The following SASH1 variants were observed in gnomAD, a reference collection of about 807,000 sequenced individuals.
The protein encoded by SASH1 is SAM and SH3 domain containing 1, also known as SAM and SH3 domain-containing protein 1.
Under a neutral mutation model 125.2 loss-of-function variants are expected in SASH1, and 44 were observed. The ratio of observed to expected loss-of-function variants is 0.35; its 90% confidence interval spans 0.28 to 0.45. The LOEUF is 0.45. SASH1 is among the 20% of genes least tolerant of loss of function. The pLI, the probability that SASH1 is intolerant of heterozygous loss-of-function variation, is 1.00. For synonymous variants in SASH1, 639 were observed against 649.1 expected (o/e 0.98, Z 0.24); for missense variants, 1,426 against 1,614.5 (o/e 0.88, Z 2.00).
intron 9 of SASH1, among the ~76,000 whole-genome samples, chr6:148,516,258 A>C (rs1430140369): frequency 3.3e-5 from 5 of 152,048 alleles, no homozygotes; most frequent in Non-Finnish European, 7.4e-5. Context: ...CAGGGTGCTG[A>C]GTTGCCGTTG....
chr6:148,358,544 A>G, intron 1 of SASH1, among the ~76,000 whole-genome samples: 1 of 152,140 alleles, frequency 6.6e-6, no homozygotes, highest in East Asian at 1.9e-4. Context: ...AGAGAAGCAC[A>G]CTGATATTGT....
intron 1 of SASH1, among the ~76,000 whole-genome samples, chr6:148,358,364 GAAGT>G (rs1782038384): frequency 6.6e-6 from 1 of 152,200 alleles, no homozygotes; most frequent in South Asian, 2.1e-4. Context: ...TGGCTCAAGA[GAAGT>G]AAGCACTGAA....
rs1781375183 is a variant in SASH1, at chr6:148,529,318, G to C, written c.1428+1722G>C. ...AAAGAGCTGTCCATCAAAATGATCA[G>C]TGCTCAGGCTGAGAAACCGTGGCTT... On this transcript the variant is annotated intron_variant, in intron 12 of 19. Transcript: ENST00000367467. The surrounding 1 kb of genome is among the most constrained non-coding windows in gnomAD (Gnocchi z 4.2). Among the ~76,000 whole-genome samples the C allele has an allele frequency of 6.6e-6, 1 of 152,238 alleles. No homozygotes were observed. Among genetic ancestry groups the C allele is most frequent in the Non-Finnish European group, 1.5e-5 (1 of 68,044 alleles).
At chr6:148,428,594 A>G (rs1219270017) in intron 2 of SASH1, among the ~76,000 whole-genome samples, 1 of 141,144 alleles carries the variant, frequency 7.1e-6, no homozygotes, top group Non-Finnish European at 1.5e-5. Context: ...GCGCCACTGC[A>G]CTCCAGCCAG....
At chr6:148,274,251 C>T (rs1779132415) in intron 1 of SASH1, among the ~76,000 whole-genome samples, 1 of 152,114 alleles carries the variant, frequency 6.6e-6, no homozygotes, top group African/African-American at 2.4e-5. Context: ...CAACTTGGGG[C>T]AGATGGACTC....
chr6:148,454,211 G>T (rs1356241791), intron 4 of SASH1, among the ~76,000 whole-genome samples: 1 of 152,188 alleles, frequency 6.6e-6, no homozygotes, highest in African/African-American at 2.4e-5. Context: ...GGACTGAGGA[G>T]CTGAGGAGGA....
intron 2 of SASH1, among the ~76,000 whole-genome samples, chr6:148,437,842 T>G (rs1235784657): frequency 6.6e-6 from 1 of 152,250 alleles, no homozygotes; most frequent in African/African-American, 2.4e-5. Flanking sequence ...TTAATATGGT[T>G]GTTAATAAGC....
chr6:148,490,066 T>A (rs199884321), intron 8 of SASH1, among the ~76,000 whole-genome samples: 3 of 50,156 alleles, frequency 6.0e-5, no homozygotes, highest in South Asian at 6.3e-4. Context: ...CTGCAAAAAA[T>A]AATAATAATA....
chr6:148,245,994 A>G, the SASH1 span, among the ~76,000 whole-genome samples: 35 of 151,982 alleles, frequency 2.3e-4, no homozygotes, highest in Non-Finnish European at 4.6e-4. Flanking sequence ...AAAAACAAAA[A>G]AAAAAGAAAA....
chr6:148,303,672 A>G (rs932720884), intron 1 of SASH1, among the ~76,000 whole-genome samples: 2 of 151,576 alleles, frequency 1.3e-5, no homozygotes, highest in Admixed American at 1.3e-4. Context: ...GCGGGCACCC[A>G]TAATCCCAAC....
At chr6:148,302,341 A>AT (rs34513109) in intron 1 of SASH1, among the ~76,000 whole-genome samples, 3,170 of 104,330 alleles carry the variant, frequency 0.03, 956 homozygotes, top group African/African-American at 0.054. Context: ...AAAAAAAAAA[A>AT]CTAGTAATAT....
chr6:148,465,672 G>T (rs1227042621), intron 4 of SASH1, among the ~76,000 whole-genome samples: 1 of 152,030 alleles, frequency 6.6e-6, no homozygotes, highest in Admixed American at 6.6e-5. Context: ...ACCCCAGCCC[G>T]CTGAAGTAAG....
At chr6:148,288,669 C>G (rs910059059) in intron 1 of SASH1, among the ~76,000 whole-genome samples, 1 of 133,060 alleles carries the variant, frequency 7.5e-6, no homozygotes, top group African/African-American at 2.9e-5. Flanking sequence ...CACAGACACA[C>G]ACGGAATACA....
chr6:148,326,391 T>TATATATATATATACA (rs1780827914), intron 1 of SASH1, among the ~76,000 whole-genome samples: 10 of 101,892 alleles, frequency 9.8e-5, no homozygotes, highest in African/African-American at 3.6e-4. Flanking sequence ...TTTCTTTTCT[T>TATATATATATATACA]TTCTTTTCTT....
At position 148,386,386 on chromosome 6, in the gene SASH1, T is replaced by G. The variant is rs1583062023; in HGVS notation, c.157-3748T>G. Among the ~76,000 whole-genome samples the G allele has an allele frequency of 1.1e-4, 17 of 152,312 alleles. No homozygotes were observed. In the South Asian group the frequency reaches 3.5e-3, roughly 32 times the overall value. On this transcript the variant is annotated intron_variant, in intron 1 of 19. Transcript: ENST00000367467. ...GGTCTTGGTTAGTCCAAGACGACGG[T>G]TGGTTGTGATAAGTTGGACAGTTCA... is the stretch of plus-strand genomic sequence containing the variant.
intron 1 of SASH1, among the ~76,000 whole-genome samples, chr6:148,298,766 A>AAGAG (rs1246640090): frequency 1.4e-5 from 2 of 146,480 alleles, no homozygotes; most frequent in Non-Finnish European, 3.0e-5. Flanking sequence ...AAAAGAGAGA[A>AAGAG]AGAAAAAAGA....
chr6:148,239,661 A>G, the SASH1 span, among the ~76,000 whole-genome samples: 8 of 149,414 alleles, frequency 5.4e-5, no homozygotes, highest in Non-Finnish European at 1.2e-4. Context: ...CTGTAAAAGT[A>G]GCACCTTGCT....
intron 16 of SASH1, among the ~76,000 whole-genome samples, chr6:148,539,404 G>T (rs1488327904): frequency 1.3e-5 from 2 of 151,748 alleles, no homozygotes; most frequent in African/African-American, 4.8e-5. Flanking sequence ...CACTTTGTAT[G>T]CCTTTATGTG....
At position 148,544,310 on chromosome 6, in the gene SASH1, C is replaced by T. The variant is rs1782413529; in HGVS notation, c.2840C>T (p.Pro947Leu). 3.7e-6 allele frequency: 6 copies of T among 1,614,022 alleles called. No individual in the cohort carries two copies. The African/African-American group carries it at 4.0e-5, about 11-fold the overall frequency. Residue 947 changes from proline to leucine, a missense_variant, in exon 18 of 20, where the codon CCT (proline) becomes CTT (leucine). Physicochemically the swap from Pro to Leu is moderately conservative, Grantham distance 98. Transcript: ENST00000367467. This position sits in a 1 kb window ranked among gnomAD's most constrained non-coding sequence, Gnocchi z 6.4. ...GCTAAACACGGTTTAGCAAGGACGC[C>T]TCTGGAGGGCCACAGAAAAGGACAC... The part of the protein sequence containing the change: ...PGAKHGLART[P>L]LEGHRKGHEF...
Sources: gnomAD v4.1 joint callset for allele counts (sites outside exome capture counted in the v4.1 genomes callset) on GRCh38, gnomAD v4.1.1 for gene constraint, Gnocchi (gnomAD v3.1) non-coding constraint, MANE v1.5 for transcripts, NCBI Gene and HGNC (gene_info 2026-07-23, HGNC 2026-07-21) for gene names.